RABGAP1L: variants seen among roughly 807,000 people sequenced by gnomAD.
RABGAP1L encodes the protein rab GTPase-activating protein 1-like.
In RABGAP1L, 63 loss-of-function variants were observed where a neutral mutation model predicts 137.7. The ratio of observed to expected loss-of-function variants is 0.46; its 90% CI spans 0.37 to 0.56. RABGAP1L has a LOEUF of 0.56. RABGAP1L is among the 20% of genes least tolerant of loss of function. RABGAP1L has a pLI of 0.00. For synonymous variants in RABGAP1L, 431 were observed against 433.7 expected (o/e 0.99, Z 0.08); for missense variants, 1,095 against 1,244.0 (o/e 0.88, Z 1.80).
chr1:174,867,116 C>T (rs1573577561), intron 19 of RABGAP1L, among the ~76,000 whole-genome samples: 1 of 151,982 alleles, frequency 6.6e-6, no homozygotes, highest in Non-Finnish European at 1.5e-5. Flanking sequence ...GCCATGGTGG[C>T]TCACGCCTGT....
chr1:174,493,881 C>T (rs536534056), intron 13 of RABGAP1L, among the ~76,000 whole-genome samples: 2 of 149,026 alleles, frequency 1.3e-5, no homozygotes, highest in East Asian at 4.0e-4. Context: ...GCAAAATCTA[C>T]TTTTAAGTAA....
intron 11 of RABGAP1L, among the ~76,000 whole-genome samples, chr1:174,340,480 A>G (rs1223343819): frequency 6.6e-6 from 1 of 152,012 alleles, no homozygotes; most frequent in Non-Finnish European, 1.5e-5. Flanking sequence ...CCATGTGTCC[A>G]TGTATTCTCA....
chr1:174,440,206 A>G (rs1446146360), intron 13 of RABGAP1L, among the ~76,000 whole-genome samples: 2 of 152,198 alleles, frequency 1.3e-5, no homozygotes, highest in African/African-American at 4.8e-5. Flanking sequence ...GACTGGATGG[A>G]TGCATAGAGA....
At chr1:174,741,508 A>G (rs2148652034) in intron 17 of RABGAP1L, among the ~76,000 whole-genome samples, 1 of 151,984 alleles carries the variant, frequency 6.6e-6, no homozygotes, top group Admixed American at 6.6e-5. Context: ...GACTACAGGC[A>G]TTTGCTGCCA....
intron 13 of RABGAP1L, among the ~76,000 whole-genome samples, chr1:174,485,374 T>A (rs1659526954): frequency 6.6e-6 from 1 of 152,234 alleles, no homozygotes; most frequent in African/African-American, 2.4e-5. Flanking sequence ...TTCAGTACTA[T>A]GTTGAATAAC....
At position 174,978,742 on chromosome 1, in the gene RABGAP1L, A is replaced by G. The variant is rs553319322; in HGVS notation, c.2650-65A>G. On this transcript the variant is annotated intron_variant, in intron 22 of 25. Coordinates refer to ENST00000681986, the MANE Select transcript of RABGAP1L (RefSeq NM_001366446.1). The stretch of plus-strand genomic sequence containing the variant: ...GACTATGAATCAGACAGACTTGAAT[A>G]TAGATGTTTGTGAAAATTTAAGATT... 9.0e-5 allele frequency: 133 copies of G among 1,477,876 alleles called. No homozygotes were observed. The South Asian group carries it at 1.6e-3, about 18-fold the overall frequency. 91.5% of individuals were successfully genotyped at this position (1,477,876 alleles called of 1,614,324 possible). A position where few individuals can be genotyped will look rare whatever the true frequency, so the allele number is the denominator to read the frequency against.
chr1:174,446,412 C>T (rs966600777), intron 13 of RABGAP1L, among the ~76,000 whole-genome samples: 2 of 152,166 alleles, frequency 1.3e-5, no homozygotes, highest in African/African-American at 4.8e-5. Context: ...TGTTAAGCTG[C>T]TGCATTGTTC....
chr1:174,923,878 C>CA (rs1176474943), intron 19 of RABGAP1L, among the ~76,000 whole-genome samples: 19,699 of 86,740 alleles, frequency 0.23, 1,664 homozygotes, highest in Middle Eastern at 0.37. Flanking sequence ...GAGACTGTCT[C>CA]AAAAAAAAAA....
At chr1:174,887,301 T>TA (rs1655330029) in intron 19 of RABGAP1L, among the ~76,000 whole-genome samples, 1 of 152,216 alleles carries the variant, frequency 6.6e-6, no homozygotes, top group Non-Finnish European at 1.5e-5. Context: ...GTTAGCTGTG[T>TA]AAAATATATA....
chr1:174,836,908 A>G (rs1041544527), intron 19 of RABGAP1L, among the ~76,000 whole-genome samples: 13 of 152,180 alleles, frequency 8.5e-5, no homozygotes, highest in African/African-American at 9.7e-5. Context: ...GTATCTGACT[A>G]ATAAAAATAT....
rs574911104 is a variant in RABGAP1L, at chr1:174,531,017, C to A, written c.1711-106358C>A. ...GACAATAAAATTAGAGAACTCATAGCAGTAAAAAGAACAGACTTGCTACAC... is the reference window on the plus strand; with the variant it reads ...GACAATAAAATTAGAGAACTCATAGAAGTAAAAAGAACAGACTTGCTACAC... On this transcript the variant is annotated intron_variant, in intron 13 of 25. Transcript: ENST00000681986. Among the ~76,000 whole-genome samples the A allele has an allele frequency of 2.0e-5, 3 of 152,122 alleles. No individual in the cohort carries two copies. The East Asian group carries it at 5.8e-4, about 29-fold the overall frequency.
chr1:174,164,055 A>C (rs1664720376), intron 1 of RABGAP1L, among the ~76,000 whole-genome samples: 1 of 152,058 alleles, frequency 6.6e-6, no homozygotes, highest in Non-Finnish European at 1.5e-5. Flanking sequence ...AAATACTAGA[A>C]TTATCTGGAT....
chr1:174,892,798 T>A (rs1360846710), intron 19 of RABGAP1L: 2 of 343,308 alleles, frequency 5.8e-6, no homozygotes, highest in African/African-American at 4.5e-5. Context: ...GGCATGATCT[T>A]GACTCACTGC....
At chr1:174,184,941 T>C (rs913676148) in intron 1 of RABGAP1L, among the ~76,000 whole-genome samples, 2 of 152,198 alleles carry the variant, frequency 1.3e-5, no homozygotes, top group Non-Finnish European at 2.9e-5. Flanking sequence ...ATGTCTACTT[T>C]ATTTAAGAAG....
At chr1:174,602,144 G>A (rs905923058) in intron 13 of RABGAP1L, among the ~76,000 whole-genome samples, 4 of 151,880 alleles carry the variant, frequency 2.6e-5, no homozygotes, top group Admixed American at 6.6e-5. Flanking sequence ...TTTCGTCAAC[G>A]CCCCACTCTA....
chr1:174,661,176 G>A (rs1452408973), intron 14 of RABGAP1L, among the ~76,000 whole-genome samples: 1 of 152,160 alleles, frequency 6.6e-6, no homozygotes, highest in African/African-American at 2.4e-5. Flanking sequence ...TGATTTTAAA[G>A]TACTATCAAC....
At chr1:174,359,821 G>T (rs1386964897) in intron 11 of RABGAP1L, among the ~76,000 whole-genome samples, 1 of 152,158 alleles carries the variant, frequency 6.6e-6, no homozygotes, top group Non-Finnish European at 1.5e-5. Flanking sequence ...CAAACTAATA[G>T]TGACTACCTC....
At chr1:174,394,213 C>A (rs2149084305) in intron 13 of RABGAP1L, 68 bp downstream of exon 13, 1 of 1,539,768 alleles carries the variant, frequency 6.5e-7, no homozygotes, top group Non-Finnish European at 8.8e-7. Flanking sequence ...GTTTTCATAG[C>A]TCCCATAAGT....
chr1:174,541,724 C>T (rs1390214196), intron 13 of RABGAP1L, among the ~76,000 whole-genome samples: 4 of 151,650 alleles, frequency 2.6e-5, no homozygotes, highest in African/African-American at 7.3e-5. Flanking sequence ...TGTAGTGAGC[C>T]GAGATCATGC....
Sources: allele counts gnomAD v4.1 joint callset (sites outside exome capture counted in the v4.1 genomes callset), GRCh38; gene constraint gnomAD v4.1.1; transcripts MANE v1.5; gene names NCBI Gene and HGNC (gene_info 2026-07-23, HGNC 2026-07-21).